The following GPC5 variants were observed in gnomAD, a reference collection of about 807,000 sequenced individuals.
GPC5 encodes the protein glypican-5.
Under a neutral mutation model 53.9 loss-of-function variants are expected in GPC5, and 47 were observed. That is an observed-to-expected ratio of 0.87 (90% CI 0.69 to 1.11). GPC5 has a LOEUF of 1.11. Among genes scored for constraint, GPC5 ranks in the 50% most tolerant of loss-of-function variants. GPC5 has a pLI of 0.00. For missense variants in GPC5, 748 were observed against 713.1 expected, an observed-to-expected ratio of 1.05 and a Z score of -0.56; for synonymous variants, 286 against 263.3, an observed-to-expected ratio of 1.09 and a Z score of -0.84.
intron 7 of GPC5, among the ~76,000 whole-genome samples, chr13:92,311,267 G>A (rs866024252): frequency 5.9e-5 from 9 of 152,182 alleles, no homozygotes; most frequent in African/African-American, 2.2e-4. Context: ...GCTAGCATGT[G>A]CAGGAACTCT....
intron 7 of GPC5, among the ~76,000 whole-genome samples, chr13:92,200,590 T>A (rs1403331434): frequency 6.6e-6 from 1 of 152,232 alleles, no homozygotes; most frequent in Non-Finnish European, 1.5e-5. Context: ...CTCAGACTGT[T>A]TTTTGACAAG....
intron 1 of GPC5, among the ~76,000 whole-genome samples, chr13:91,430,491 A>G (rs892394204): frequency 6.6e-6 from 1 of 152,130 alleles, no homozygotes; most frequent in African/African-American, 2.4e-5. Flanking sequence ...CTCTGTAAAG[A>G]CTGGATTAAG....
chr13:91,804,828 T>G (rs1325724147), intron 5 of GPC5, among the ~76,000 whole-genome samples: 2 of 152,138 alleles, frequency 1.3e-5, no homozygotes, highest in Non-Finnish European at 2.9e-5. Context: ...TGGAGATGTG[T>G]GCATGTGAAC....
chr13:92,571,220 A>G (rs543647020), intron 7 of GPC5, among the ~76,000 whole-genome samples: 1 of 152,180 alleles, frequency 6.6e-6, no homozygotes, highest in African/African-American at 2.4e-5. Flanking sequence ...CATATCTCAC[A>G]TGTCATAAAT....
chr13:91,823,248 T>C (rs1289214084), intron 5 of GPC5, among the ~76,000 whole-genome samples: 1 of 152,134 alleles, frequency 6.6e-6, no homozygotes, highest in Non-Finnish European at 1.5e-5. Context: ...CTTTATGTGT[T>C]ATGCCACTAC....
chr13:92,758,403 C>T (rs541898154), intron 7 of GPC5, among the ~76,000 whole-genome samples: 1 of 151,578 alleles, frequency 6.6e-6, no homozygotes, highest in African/African-American at 2.4e-5. Context: ...TGCAGCGCAC[C>T]AGCATGGCAC....
chr13:92,202,881 T>G (rs9523536), intron 7 of GPC5, among the ~76,000 whole-genome samples: 9,036 of 152,256 alleles, frequency 0.059, 386 homozygotes, highest in Non-Finnish European at 0.088. Context: ...CTGAAGCACA[T>G]TTTTTACAAT....
intron 7 of GPC5, among the ~76,000 whole-genome samples, chr13:92,388,496 G>C (rs1874847265): frequency 6.6e-6 from 1 of 152,064 alleles, no homozygotes; most frequent in Admixed American, 6.6e-5. Flanking sequence ...GCTCCATTTT[G>C]GAAAGTTCCC....
At chr13:92,024,815 G>C (rs1211947057) in intron 6 of GPC5, among the ~76,000 whole-genome samples, 3 of 152,234 alleles carry the variant, frequency 2.0e-5, no homozygotes, top group Admixed American at 2.0e-4. Flanking sequence ...TATTGCATTA[G>C]AAAAGAACCT....
chr13:91,919,855 G>A (rs879806524), intron 6 of GPC5, among the ~76,000 whole-genome samples: 1 of 152,108 alleles, frequency 6.6e-6, no homozygotes, highest in Non-Finnish European at 1.5e-5. Flanking sequence ...GCCTATTTTC[G>A]GAATGCTGGC....
At position 91,959,096 on chromosome 13, in the gene GPC5, ACACAC is replaced by A. The variant is rs1566364063; in HGVS notation, c.1401+51040_1401+51044del. ...CACACACACACACACACACACACAC[ACACAC>A]ATCAATGATGAAACAGAAAGTTGTT... is the stretch of plus-strand genomic sequence containing the variant. On this transcript the variant is annotated intron_variant, in intron 6 of 7. Transcript: ENST00000377067. 4.9e-3 allele frequency among the ~76,000 whole-genome samples: 737 copies of A among 150,156 alleles called. 7 individuals are homozygous for A. Among genetic ancestry groups the A allele is most frequent in the African/African-American group, 0.017 (683 of 40,974 alleles).
At chr13:92,430,801 A>G (rs149546649) in intron 7 of GPC5, among the ~76,000 whole-genome samples, 79 of 152,230 alleles carry the variant, frequency 5.2e-4, no homozygotes, top group African/African-American at 1.9e-3. Flanking sequence ...ATAAGAGTAA[A>G]AAGGAGTTGC....
chr13:91,921,907 G>A (rs141991558), intron 6 of GPC5, among the ~76,000 whole-genome samples: 1 of 152,068 alleles, frequency 6.6e-6, no homozygotes. Context: ...GGAGTTCAAG[G>A]CTGCAGTGAG....
At chr13:92,606,411 A>G (rs1419026313) in intron 7 of GPC5, among the ~76,000 whole-genome samples, 1 of 152,190 alleles carries the variant, frequency 6.6e-6, no homozygotes, top group Non-Finnish European at 1.5e-5. Context: ...TACAAAGGAC[A>G]TGAACTCATC....
At chr13:91,692,106 G>A (rs1269632276) in intron 2 of GPC5, among the ~76,000 whole-genome samples, 1 of 151,904 alleles carries the variant, frequency 6.6e-6, no homozygotes, top group Non-Finnish European at 1.5e-5. Context: ...TAATTTACGG[G>A]TAAATTATTC....
In GPC5 at chr13:91,693,207, A is replaced by C. The variant is rs1216875875; in HGVS notation, c.346A>C (p.Lys116Gln). Residue 116 changes from lysine to glutamine, a missense_variant, in exon 3 of 8, where the codon AAA (lysine) becomes CAA (glutamine). Coordinates refer to ENST00000377067, the MANE Select transcript of GPC5 (RefSeq NM_004466.6). ...AFQETLETLI[K>Q]QAENYTSILF... Reference sequence around the variant, plus strand: ...TACAGAAACCCTTGAAACTCTCATCAAACAAGCAGAAAATTACACCAGTAT... The same window carrying C: ...TACAGAAACCCTTGAAACTCTCATCCAACAAGCAGAAAATTACACCAGTAT... The C allele has an allele frequency of 6.2e-7, 1 of 1,613,270 alleles. No homozygotes were observed. Among genetic ancestry groups the C allele is most frequent in the East Asian group, 2.2e-5 (1 of 44,850 alleles).
chr13:91,915,126 C>T (rs915703619), intron 6 of GPC5, among the ~76,000 whole-genome samples: 2 of 152,148 alleles, frequency 1.3e-5, no homozygotes, highest in African/African-American at 4.8e-5. Context: ...TACTAATATT[C>T]CAGAGAAACG....
At chr13:92,316,080 T>C (rs2043177426) in intron 7 of GPC5, among the ~76,000 whole-genome samples, 1 of 152,204 alleles carries the variant, frequency 6.6e-6, no homozygotes, top group Non-Finnish European at 1.5e-5. Context: ...AATTAAAATC[T>C]TTCTGCTCAT....
At chr13:91,965,244 C>A (rs1466527879) in intron 6 of GPC5, among the ~76,000 whole-genome samples, 2 of 151,970 alleles carry the variant, frequency 1.3e-5, no homozygotes, top group African/African-American at 4.8e-5. Flanking sequence ...TATAAAAAAG[C>A]ACCTAGAATA....
Sources: allele counts gnomAD v4.1 joint callset (sites outside exome capture counted in the v4.1 genomes callset), GRCh38; gene constraint gnomAD v4.1.1; transcripts MANE v1.5; gene names NCBI Gene and HGNC (gene_info 2026-07-23, HGNC 2026-07-21).